Variants in CEACAM5 observed in about 807,000 individuals in gnomAD.
CEACAM5 encodes the protein cell adhesion molecule CEACAM5.
In CEACAM5, 52 loss-of-function variants were observed where a neutral mutation model predicts 63.0. The ratio of observed to expected loss-of-function variants is 0.83; its 90% CI spans 0.66 to 1.04. CEACAM5 has a LOEUF of 1.04. Among genes scored for constraint, CEACAM5 ranks in the 50% least tolerant of loss-of-function variants. The pLI, the probability that CEACAM5 is intolerant of heterozygous loss-of-function variation, is 0.00. For missense variants in CEACAM5, 790 were observed against 864.8 expected (o/e 0.91, Z 1.08); for synonymous variants, 357 against 351.3 (o/e 1.02, Z -0.18).
At position 41,715,816 on chromosome 19, in the gene CEACAM5, T is replaced by A. The variant is rs782717279; in HGVS notation, c.870T>A (p.Thr290=). The A allele has an allele frequency of 1.2e-6, 2 of 1,614,176 alleles. 1 individual carries two copies. Among genetic ancestry groups the A allele is most frequent in the South Asian group, 2.2e-5 (2 of 91,088 alleles). ...STQELFIPNI[T]VNNSGSYTCQ... ...AAGAGCTCTTTATCCCCAACATCAC[T>A]GTGAATAATAGTGGATCCTATACGT... The change falls in exon 4 of 10, where the codon ACT becomes ACA. Residue 290 remains threonine (T), a synonymous_variant. Coordinates refer to ENST00000221992, the MANE Select transcript of CEACAM5 (RefSeq NM_004363.6).
chr19:41,729,152 C>T (rs1159518155), intron 9 of CEACAM5, 32 bp from the exon 10 acceptor site: 1 of 152,100 alleles, frequency 6.6e-6, no homozygotes, highest in East Asian at 1.9e-4. Context: ...AGATTTTTAA[C>T]TGTACTCATT....
intron 4 of CEACAM5, among the ~76,000 whole-genome samples, chr19:41,716,686 A>T (rs543841529): frequency 6.6e-6 from 1 of 152,328 alleles, no homozygotes; most frequent in South Asian, 2.1e-4. Flanking sequence ...GATTCACCAC[A>T]GGGGCTCTGC....
intron 7 of CEACAM5, among the ~76,000 whole-genome samples, chr19:41,720,437 G>C (rs1438266193): frequency 6.6e-6 from 1 of 151,250 alleles, no homozygotes; most frequent in African/African-American, 2.4e-5. Context: ...CACAGCCTAT[G>C]ATGGGAGAAA....
chr19:41,715,288 C>T (rs1879288492), intron 3 of CEACAM5, 39 bp downstream of exon 3: 2 of 1,613,868 alleles, frequency 1.2e-6, no homozygotes, highest in African/African-American at 2.7e-5. Context: ...GGCTGCCAGC[C>T]CAAATCCACA....
intron 6 of CEACAM5, among the ~76,000 whole-genome samples, chr19:41,718,827 G>A (rs912616632): frequency 3.3e-5 from 5 of 152,248 alleles, no homozygotes; most frequent in African/African-American, 9.6e-5. Context: ...CCCCTTGGAT[G>A]AGGGAGGAGC....
At chr19:41,726,887 A>G (rs1421141092) in intron 8 of CEACAM5, among the ~76,000 whole-genome samples, 2 of 152,252 alleles carry the variant, frequency 1.3e-5, no homozygotes, top group African/African-American at 4.8e-5. Context: ...CAGAGACCCA[A>G]CAGACTTATT....
At chr19:41,715,445 C>G in intron 3 of CEACAM5, 196 bp downstream of exon 3, 1 of 1,129,686 alleles carries the variant, frequency 8.9e-7, no homozygotes, top group Non-Finnish European at 1.3e-6. Context: ...GGGGCTGCTT[C>G]TGTCCTGGGA....
rs368617829 is a variant in CEACAM5, at chr19:41,718,172, C to T, written c.1282C>T (p.Arg428Cys). 64 of 1,614,214 alleles carry T rather than the reference C, an allele frequency of 4.0e-5. No individual in the cohort carries two copies. Among genetic ancestry groups the T allele is most frequent in the Non-Finnish European group, 4.7e-5 (55 of 1,180,032 alleles). ...CATTTCCCCCTCATACACCTATTAC[C>T]GTCCAGGGGTGAACCTCAGCCTCTC... ...PTISPSYTYY[R>C]PGVNLSLSCH... Residue 428 changes from arginine (R) to cysteine (C), a missense_variant, in exon 6 of 10, where the codon CGT becomes TGT. Arg to Cys is a radical substitution (Grantham distance 180, BLOSUM62 -3). Coordinates refer to ENST00000221992, the MANE Select transcript of CEACAM5 (RefSeq NM_004363.6).
At chr19:41,720,613 T>G (rs1037570092) in intron 7 of CEACAM5, among the ~76,000 whole-genome samples, 1 of 151,128 alleles carries the variant, frequency 6.6e-6, no homozygotes, top group African/African-American at 2.4e-5. Context: ...TTCACACCAT[T>G]CTCCTGCCTC....
At chr19:41,726,170 T>C (rs2072697246) in intron 8 of CEACAM5, among the ~76,000 whole-genome samples, 1 of 152,240 alleles carries the variant, frequency 6.6e-6, no homozygotes, top group African/African-American at 2.4e-5. Context: ...GCTGCTATTA[T>C]CACTACTGTT....
In CEACAM5 at chr19:41,715,129, A is replaced by G; in HGVS notation, c.583A>G (p.Asn195Asp). ...LPVSPRLQLS[N>D]GNRTLTLFNV... ...GGTCAGTCCCAGGCTGCAGCTGTCC[A>G]ATGGCAACAGGACCCTCACTCTATT... Residue 195 changes from asparagine (N) to aspartate (D), a missense_variant, in exon 3 of 10, where the codon AAT becomes GAT. Asn to Asp is a conservative substitution (Grantham distance 23). Transcript: ENST00000221992. The G allele has an allele frequency of 6.2e-7, 1 of 1,614,218 alleles. No homozygotes were observed. The highest frequency in any genetic ancestry group is 8.5e-7 in the Non-Finnish European group (1 of 1,180,032).
Position 41,721,038 on chromosome 19 carries a change from A to G in CEACAM5, c.1888A>G (p.Asn630Asp), listed in dbSNP as rs2072613221. 3 of 1,614,110 alleles carry G rather than the reference A, an allele frequency of 1.9e-6. No homozygotes were observed. The highest frequency in any genetic ancestry group is 1.3e-5 in the African/African-American group (1 of 74,930). The change falls in exon 8 of 10, where the codon AAT (asparagine) becomes GAT (aspartate). Residue 630 changes from asparagine to aspartate, a missense_variant. By Grantham distance (23) the Asn-to-Asp change is conservative (BLOSUM62 1). Coordinates refer to ENST00000221992, the MANE Select transcript of CEACAM5 (RefSeq NM_004363.6). ...NPSPQYSWRI[N>D]GIPQQHTQVL... is the part of the protein sequence containing the mutation. ...ATCCCCGCAGTATTCTTGGCGTATCAATGGGATACCGCAGCAACACACACA... is the reference window on the plus strand; with the variant it reads ...ATCCCCGCAGTATTCTTGGCGTATCGATGGGATACCGCAGCAACACACACA...
In CEACAM5 at chr19:41,715,177, G is replaced by A. The variant is rs1486684273; in HGVS notation, c.631G>A (p.Ala211Thr). ...TLFNVTRNDTASYKCETQNPV... is the reference protein window; with the variant it reads ...TLFNVTRNDTTSYKCETQNPV... ...ATTCAATGTCACAAGAAATGACACA[G>A]CAAGCTACAAATGTGAAACCCAGAA... is the stretch of plus-strand genomic sequence containing the variant. The change falls in exon 3 of 10, where the codon GCA (alanine) becomes ACA (threonine). Residue 211 changes from alanine to threonine, a missense_variant. Ala to Thr is a moderately conservative substitution (Grantham distance 58). Transcript: ENST00000221992. 1.9e-6 allele frequency: 3 copies of A among 1,614,088 alleles called. No individual in the cohort carries two copies. The Middle Eastern group carries it at 4.9e-4, about 265-fold the overall frequency.
intron 2 of CEACAM5, among the ~76,000 whole-genome samples, chr19:41,711,296 C>A (rs1363948832): frequency 6.6e-6 from 1 of 152,160 alleles, no homozygotes; most frequent in Non-Finnish European, 1.5e-5. Context: ...CTGTGTTTCC[C>A]GATGTGTCAG....
At chr19:41,715,434 AG>A in intron 3 of CEACAM5, 185 bp downstream of exon 3, 1 of 1,132,934 alleles carries the variant, frequency 8.8e-7, no homozygotes, top group East Asian at 2.5e-5. Context: ...ATAGGAGGGG[AG>A]GGGCTGCTTC....
chr19:41,718,316 A>G lies in CEACAM5; in HGVS notation c.1426A>G (p.Thr476Ala). 6.2e-7 allele frequency: 1 copy of G among 1,614,076 alleles called. No individual in the cohort carries two copies. Among genetic ancestry groups the G allele is most frequent in the Non-Finnish European group, 8.5e-7 (1 of 1,180,008 alleles). The change falls in exon 6 of 10, where the codon ACC becomes GCC. Residue 476 changes from threonine (T) to alanine (A), a missense_variant. By Grantham distance (58) the Thr-to-Ala change is moderately conservative (BLOSUM62 0). Transcript: ENST00000221992. Reference sequence around the variant, plus strand: ...CACTGAGAAGAACAGCGGACTCTATACCTGCCAGGCCAATAACTCAGCCAG... The same window carrying G: ...CACTGAGAAGAACAGCGGACTCTATGCCTGCCAGGCCAATAACTCAGCCAG... ...NITEKNSGLYTCQANNSASGH... is the reference protein window; with the variant it reads ...NITEKNSGLYACQANNSASGH...
chr19:41,725,642 G>A (rs1366675440), intron 8 of CEACAM5, among the ~76,000 whole-genome samples: 1 of 151,816 alleles, frequency 6.6e-6, no homozygotes, highest in Non-Finnish European at 1.5e-5. Context: ...CAATGTGCTG[G>A]GATTAAATGT....
At chr19:41,713,741 T>G (rs568506894) in intron 2 of CEACAM5, among the ~76,000 whole-genome samples, 1 of 152,344 alleles carries the variant, frequency 6.6e-6, no homozygotes, top group East Asian at 1.9e-4. Flanking sequence ...TTGCAAAACT[T>G]CTTCTCAAAG....
chr19:41,711,852 TG>T (rs146034550), intron 2 of CEACAM5, among the ~76,000 whole-genome samples: 2,344 of 152,232 alleles, frequency 0.015, 51 homozygotes, highest in African/African-American at 0.054. Context: ...CCTGTTTTCT[TG>T]CCGCTCACAC....
Sources: allele counts gnomAD v4.1 joint callset (sites outside exome capture counted in the v4.1 genomes callset), GRCh38; gene constraint gnomAD v4.1.1; transcripts MANE v1.5; gene names NCBI Gene and HGNC (gene_info 2026-07-23, HGNC 2026-07-21).